Variants in VPS53 observed in about 807,000 individuals in gnomAD.
The protein encoded by VPS53 is VPS53 subunit of GARP complex.
Under a neutral mutation model 107.0 loss-of-function variants are expected in VPS53, and 70 were observed. The ratio of observed to expected loss-of-function variants is 0.65; its 90% CI spans 0.54 to 0.80. The LOEUF (loss-of-function observed/expected upper bound fraction) is 0.80. VPS53 is among the 30% of genes least tolerant of loss of function. The pLI is 0.00. For synonymous variants in VPS53, 409 were observed against 393.3 expected (o/e 1.04, Z -0.47); for missense variants, 917 against 1,049.4 (o/e 0.87, Z 1.74).
chr17:578,975 T>C (rs956505374), intron 13 of VPS53, among the ~76,000 whole-genome samples: 1 of 149,926 alleles, frequency 6.7e-6, no homozygotes, highest in Non-Finnish European at 1.5e-5. Context: ...CAGAACCTAA[T>C]GCGTTCCCAG....
At chr17:548,848 A>ACT (rs1409131182) in intron 17 of VPS53, among the ~76,000 whole-genome samples, 1 of 152,306 alleles carries the variant, frequency 6.6e-6, no homozygotes, top group Non-Finnish European at 1.5e-5. Context: ...CCCTGTTTGA[A>ACT]CTGCCCTACT....
intron 4 of VPS53, among the ~76,000 whole-genome samples, chr17:689,462 T>G (rs1418846202): frequency 3.7e-5 from 5 of 135,584 alleles, no homozygotes. Context: ...CATGCTGGAC[T>G]AATTTTTTTT....
At chr17:663,354 C>T (rs1971551492) in intron 4 of VPS53, among the ~76,000 whole-genome samples, 1 of 152,202 alleles carries the variant, frequency 6.6e-6, no homozygotes, top group South Asian at 2.1e-4. Context: ...CATGTGGAGA[C>T]CAGAAAGTTC....
At position 640,195 on chromosome 17, in the gene VPS53, G is replaced by A. The variant is rs890812797; in HGVS notation, c.609-8567C>T. The stretch of plus-strand genomic sequence containing the variant: ...AGTCTCCGTGGGTGTGGGACCCGCC[G>A]AGCCAGGCACCAGATATAATCTCCT... On this transcript the variant is annotated intron_variant, in intron 7 of 21. Coordinates refer to ENST00000437048, the MANE Select transcript of VPS53 (RefSeq NM_001128159.3). Among the ~76,000 whole-genome samples the A allele has an allele frequency of 9.8e-5, 15 of 152,322 alleles. 1 individual carries two copies. The highest frequency in any genetic ancestry group is 3.9e-4 in the Admixed American group (6 of 15,300).
chr17:535,222 G>A (rs1395771926), intron 18 of VPS53, among the ~76,000 whole-genome samples: 2 of 152,228 alleles, frequency 1.3e-5, no homozygotes, highest in Non-Finnish European at 1.5e-5. Flanking sequence ...TTACAGATGT[G>A]AGGGGGGGCA....
chr17:692,601 T>A (rs1228720436), intron 4 of VPS53, among the ~76,000 whole-genome samples: 1 of 152,230 alleles, frequency 6.6e-6, no homozygotes, highest in East Asian at 1.9e-4. Flanking sequence ...TACCCCCAAA[T>A]AATTTTTGAG....
intron 4 of VPS53, among the ~76,000 whole-genome samples, chr17:668,020 C>T (rs1449598455): frequency 2.0e-5 from 3 of 152,168 alleles, no homozygotes; most frequent in African/African-American, 7.2e-5. Context: ...CATGGAAAAA[C>T]TGTCTTCCAA....
chr17:670,255 C>A (rs1224810343), intron 4 of VPS53, among the ~76,000 whole-genome samples: 1 of 151,974 alleles, frequency 6.6e-6, no homozygotes. Flanking sequence ...GAGCCACAGC[C>A]TGTATCTGAC....
chr17:709,813 A>G (rs1973570128), intron 2 of VPS53, among the ~76,000 whole-genome samples: 1 of 152,200 alleles, frequency 6.6e-6, no homozygotes. Context: ...TCCACAGGAA[A>G]ATCACCGGAC....
At chr17:624,887 G>A (rs570458361) in intron 10 of VPS53, among the ~76,000 whole-genome samples, 1 of 152,056 alleles carries the variant, frequency 6.6e-6, no homozygotes, top group African/African-American at 2.4e-5. Context: ...AGGAGTCAAT[G>A]TGTTTCTTTT....
chr17:606,537 T>A (rs1467461266), intron 11 of VPS53, among the ~76,000 whole-genome samples: 1 of 152,064 alleles, frequency 6.6e-6, no homozygotes, highest in Non-Finnish European at 1.5e-5. Flanking sequence ...ATGCACCACA[T>A]CACCATGTTT....
intron 11 of VPS53, among the ~76,000 whole-genome samples, chr17:623,063 T>C (rs1567683965): frequency 6.6e-6 from 1 of 152,140 alleles, no homozygotes; most frequent in Non-Finnish European, 1.5e-5. Context: ...TAACCGGCAG[T>C]ACTATGTTCC....
rs75264359 is a variant in VPS53, at chr17:650,310, C to G, written c.608+2981G>C. ...AGGAGTTGAAGACCAACCTGGGCAACATAAGAAGATCCCACCTCTACAGAA... is the reference window on the plus strand; with the variant it reads ...AGGAGTTGAAGACCAACCTGGGCAAGATAAGAAGATCCCACCTCTACAGAA... On this transcript the variant is annotated intron_variant, in intron 7 of 21. Transcript: ENST00000437048. Among the ~76,000 whole-genome samples the G allele has an allele frequency of 2.6e-3, 398 of 151,964 alleles. 3 individuals are homozygous for G. The highest frequency in any genetic ancestry group is 9.3e-3 in the African/African-American group (385 of 41,436).
intron 15 of VPS53, among the ~76,000 whole-genome samples, chr17:559,299 G>C (rs1375510389): frequency 6.6e-6 from 1 of 151,982 alleles, no homozygotes; most frequent in Non-Finnish European, 1.5e-5. Context: ...TAAATACTAC[G>C]GTTATTTTAC....
At chr17:712,168 G>C (rs1207844755) in intron 1 of VPS53, among the ~76,000 whole-genome samples, 1 of 140,434 alleles carries the variant, frequency 7.1e-6, no homozygotes, top group Non-Finnish European at 1.5e-5. Flanking sequence ...TGTCTAGAGT[G>C]ACTTTCGCCT....
intron 2 of VPS53, among the ~76,000 whole-genome samples, chr17:709,338 A>G (rs1207062413): frequency 1.3e-5 from 2 of 152,224 alleles, no homozygotes; most frequent in Non-Finnish European, 2.9e-5. Flanking sequence ...TAAGACCAAG[A>G]CCAGATTTGT....
chr17:576,721 G>A lies in VPS53; in HGVS notation c.1313+9549C>T, dbSNP rs74188583. The stretch of plus-strand genomic sequence containing the variant: ...AGAACCTCCCTCAGGACCTCCATGC[G>A]TTCCCACAGAACCTCCCTCAGAACC... On this transcript the variant is annotated intron_variant, in intron 13 of 21. Transcript: ENST00000437048. Among the ~76,000 whole-genome samples the A allele has an allele frequency of 2.5e-3, 311 of 125,306 alleles. 9 individuals are homozygous for A. In the East Asian group the frequency reaches 0.071, roughly 28 times the overall value. 82.2% of individuals were successfully genotyped at this position (125,306 alleles called of 152,430 possible). A position where few individuals can be genotyped will look rare whatever the true frequency, so the allele number is the denominator to read the frequency against.
At chr17:534,418 T>G (rs1909858140) in intron 18 of VPS53, among the ~76,000 whole-genome samples, 1 of 151,424 alleles carries the variant, frequency 6.6e-6, no homozygotes, top group South Asian at 2.1e-4. Flanking sequence ...AGGGGTGGGG[T>G]AGAAAGGAAG....
intron 4 of VPS53, among the ~76,000 whole-genome samples, chr17:681,899 G>A (rs544392947): frequency 6.6e-6 from 1 of 152,276 alleles, no homozygotes; most frequent in African/African-American, 2.4e-5. Context: ...CAGACCCCTT[G>A]TGACTCAGTC....
Sources: gnomAD v4.1 joint callset for allele counts (sites outside exome capture counted in the v4.1 genomes callset) on GRCh38, gnomAD v4.1.1 for gene constraint, MANE v1.5 for transcripts, NCBI Gene and HGNC (gene_info 2026-07-23, HGNC 2026-07-21) for gene names.